ANKRD17: variants seen among roughly 807,000 people sequenced by gnomAD.
The protein encoded by ANKRD17 is ankyrin repeat domain-containing protein 17.
A neutral mutation model predicts 229.7 loss-of-function variants in ANKRD17; 19 were observed. The observed-to-expected ratio is 0.08, with a 90% CI of 0.06 to 0.12. The LOEUF is 0.12. ANKRD17 is among the 10% of genes least tolerant of loss of function. The pLI, the probability that ANKRD17 is intolerant of heterozygous loss-of-function variation, is 1.00. For synonymous variants in ANKRD17, 1,112 were observed against 1,146.1 expected, an observed-to-expected ratio of 0.97 and a Z score of 0.60; for missense variants, 2,176 against 3,176.8, an observed-to-expected ratio of 0.68 and a Z score of 7.57.
At chr4:73,180,808 A>G (rs886731408) in intron 1 of ANKRD17, among the ~76,000 whole-genome samples, 6 of 152,210 alleles carry the variant, frequency 3.9e-5, no homozygotes, top group African/African-American at 1.4e-4. Context: ...GCTGTTACCT[A>G]TGTGACCTAA....
intron 1 of ANKRD17, among the ~76,000 whole-genome samples, chr4:73,186,698 T>A (rs1736341906): frequency 6.6e-6 from 1 of 152,146 alleles, no homozygotes; most frequent in Non-Finnish European, 1.5e-5. Flanking sequence ...ATTTTTAACA[T>A]AAACTTTACA....
At chr4:73,234,505 T>C (rs938738061) in intron 1 of ANKRD17, among the ~76,000 whole-genome samples, 6 of 152,330 alleles carry the variant, frequency 3.9e-5, no homozygotes, top group African/African-American at 7.2e-5. Flanking sequence ...TTAGAGTATA[T>C]AGAGTGTAAG....
intron 25 of ANKRD17, among the ~76,000 whole-genome samples, 195 bp downstream of exon 25, chr4:73,102,181 G>C (rs1288893917): frequency 6.6e-6 from 1 of 151,948 alleles, no homozygotes; most frequent in Non-Finnish European, 1.5e-5. Context: ...GGCTGGTCTT[G>C]AACTCTTAGA....
rs776132534 is a variant in ANKRD17 at position 73,120,224 on chromosome 4, A to G, written c.3963T>C (p.Asp1321=). 17 of 1,614,028 alleles carry G rather than the reference A, an allele frequency of 1.1e-5. No individual in the cohort carries two copies. Among genetic ancestry groups the G allele is most frequent in the Non-Finnish European group, 1.4e-5 (17 of 1,180,018 alleles). ...TATCTGCTGCTATGGTTAAAGCTGT[A>G]TCTCTTGAGGAGGGAACTGGAGGGG... ...VNAPPVPSSR[D]TALTIAADKG... Residue 1321 remains aspartate, a synonymous_variant, in exon 21 of 34, where the codon GAT becomes GAC. Transcript: ENST00000358602.
chr4:73,120,439 A>G, intron 20 of ANKRD17, 102 bp from the exon 21 acceptor site: 2 of 1,040,688 alleles, frequency 1.9e-6, no homozygotes, highest in Admixed American at 2.7e-5. Flanking sequence ...TACAGCTGTT[A>G]CCAAGATTCA....
At chr4:73,080,512 A>G (rs1308981596) in intron 30 of ANKRD17, among the ~76,000 whole-genome samples, 2 of 152,256 alleles carry the variant, frequency 1.3e-5, no homozygotes, top group African/African-American at 4.8e-5. Context: ...ACTACAAGGA[A>G]TACACAGACA....
intron 2 of ANKRD17, among the ~76,000 whole-genome samples, chr4:73,174,591 G>A (rs745308761): frequency 6.6e-6 from 1 of 152,054 alleles, no homozygotes; most frequent in Non-Finnish European, 1.5e-5. Context: ...AGAGCAATCA[G>A]ACAAGAGAAA....
chr4:73,180,200 C>T (rs1735364082), intron 1 of ANKRD17, among the ~76,000 whole-genome samples: 1 of 151,858 alleles, frequency 6.6e-6, no homozygotes, highest in African/African-American at 2.4e-5. Context: ...TCAAAGGAGA[C>T]ACTGCATGCA....
At chr4:73,092,406 G>T in intron 28 of ANKRD17, 106 bp from the exon 29 acceptor site, 1 of 884,544 alleles carries the variant, frequency 1.1e-6, no homozygotes, top group Non-Finnish European at 1.7e-6. Flanking sequence ...AGTTTTGTGT[G>T]TATATACATA....
chr4:73,252,845 A>G (rs1175485219), intron 1 of ANKRD17, among the ~76,000 whole-genome samples: 1 of 152,160 alleles, frequency 6.6e-6, no homozygotes, highest in Non-Finnish European at 1.5e-5. Context: ...TTATTTTTCT[A>G]TACTTTTCTG....
intron 1 of ANKRD17, among the ~76,000 whole-genome samples, chr4:73,183,524 G>T (rs1202928154): frequency 6.6e-6 from 1 of 152,082 alleles, no homozygotes; most frequent in Non-Finnish European, 1.5e-5. Context: ...CAGAATCTCG[G>T]TTCACTGCAG....
chr4:73,158,156 G>GAAAGAAAGAAAGAAAGA (rs1731972533), intron 3 of ANKRD17, among the ~76,000 whole-genome samples: 1 of 121,140 alleles, frequency 8.3e-6, no homozygotes, highest in Non-Finnish European at 1.6e-5. Flanking sequence ...GGAAGAAAAA[G>GAAAGAAAGAAAGAAAGA]AAAGAAAGAA....
chr4:73,182,415 T>C (rs914980110), intron 1 of ANKRD17, among the ~76,000 whole-genome samples: 1 of 152,074 alleles, frequency 6.6e-6, no homozygotes, highest in Non-Finnish European at 1.5e-5. Context: ...AAATAGGAGA[T>C]TTCTAAATAC....
intron 2 of ANKRD17, among the ~76,000 whole-genome samples, chr4:73,173,266 C>T (rs1038917603): frequency 4.6e-5 from 7 of 152,152 alleles, no homozygotes; most frequent in African/African-American, 2.4e-5. Context: ...ATTTTAAATA[C>T]ATATGCACCT....
intron 1 of ANKRD17, among the ~76,000 whole-genome samples, chr4:73,207,586 T>C (rs1167618994): frequency 6.6e-6 from 1 of 152,156 alleles, no homozygotes; most frequent in Non-Finnish European, 1.5e-5. Context: ...AGATATACCA[T>C]GCAAACATTA....
At chr4:73,253,822 G>C (rs1745229490) in intron 1 of ANKRD17, among the ~76,000 whole-genome samples, 1 of 152,158 alleles carries the variant, frequency 6.6e-6, no homozygotes, top group Admixed American at 6.6e-5. Flanking sequence ...TAAGAAATTG[G>C]AAAATGTTGA....
intron 25 of ANKRD17, chr4:73,098,947 A>C (rs1291116632): frequency 2.0e-6 from 2 of 993,330 alleles, no homozygotes; most frequent in African/African-American, 3.2e-5. Flanking sequence ...CAGCACTGGT[A>C]GGGAGTCAGA....
chr4:73,216,485 G>A (rs1053650478), intron 1 of ANKRD17, among the ~76,000 whole-genome samples: 9 of 152,084 alleles, frequency 5.9e-5, no homozygotes, highest in South Asian at 2.1e-4. Context: ...GTCAAATGGC[G>A]GGGGTGACAG....
intron 24 of ANKRD17, chr4:73,104,227 G>A (rs1724345501): frequency 6.6e-6 from 1 of 152,190 alleles, no homozygotes; most frequent in Non-Finnish European, 1.5e-5. Context: ...CCCTGCTGAA[G>A]TATTAGGAAC....
Sources: allele counts gnomAD v4.1 joint callset (sites outside exome capture counted in the v4.1 genomes callset), GRCh38; gene constraint gnomAD v4.1.1; transcripts MANE v1.5; gene names NCBI Gene and HGNC (gene_info 2026-07-23, HGNC 2026-07-21).